The following PREPL variants were observed in gnomAD, a reference collection of about 807,000 sequenced individuals.
PREPL encodes the protein prolyl endopeptidase-like.
Under a neutral mutation model 70.6 loss-of-function variants are expected in PREPL, and 77 were observed. That is an observed-to-expected ratio of 1.09 (90% CI 0.91 to 1.32). PREPL has a LOEUF of 1.32. PREPL is among the 40% of genes most tolerant of loss of function. The probability of loss-of-function intolerance (pLI) is 0.00; values close to 1 mark genes in which losing one functional copy is unlikely to be tolerated. For missense variants in PREPL, 1,002 were observed against 778.2 expected, an observed-to-expected ratio of 1.29 and a Z score of -3.42; for synonymous variants, 315 against 264.8, an observed-to-expected ratio of 1.19 and a Z score of -1.84.
chr2:44,347,860 G>C (rs1675996167), intron 1 of PREPL, among the ~76,000 whole-genome samples: 1 of 152,110 alleles, frequency 6.6e-6, no homozygotes, highest in South Asian at 2.1e-4. Context: ...ATTACAAAGA[G>C]TTTACAATCT....
chr2:44,335,377 C>A (rs2103874811), intron 7 of PREPL, among the ~76,000 whole-genome samples: 1 of 152,258 alleles, frequency 6.6e-6, no homozygotes, highest in South Asian at 2.1e-4. Flanking sequence ...AAGTGCATTG[C>A]TAGAAATTAC....
intron 7 of PREPL, among the ~76,000 whole-genome samples, chr2:44,336,666 C>A (rs1212572963): frequency 6.6e-6 from 1 of 151,840 alleles, no homozygotes; most frequent in Non-Finnish European, 1.5e-5. Flanking sequence ...TGCACATGTA[C>A]CCCTGAAAGT....
rs1675334981 is a variant in PREPL at position 44,342,517 on chromosome 2, A to G, written c.385T>C (p.Phe129Leu). 1.2e-6 allele frequency: 2 copies of G among 1,611,852 alleles called. No homozygotes were observed. The highest frequency in any genetic ancestry group is 8.5e-7 in the Non-Finnish European group (1 of 1,178,422). The part of the protein sequence containing the change: ...VKDEEDEDVL[F>L]YTFQRNLRCH... ...CGAAGGTTCCTCTGGAAGGTGTAGA[A>G]TAAAACATCTTCATCTTCCTCGTCC... Residue 129 changes from phenylalanine (F) to leucine (L), a missense_variant, in exon 5 of 14, where the codon TTC becomes CTC. By Grantham distance (22) the Phe-to-Leu change is conservative (BLOSUM62 0). Transcript: ENST00000409411.
At position 44,319,959 on chromosome 2, in the gene PREPL, G is replaced by A; in HGVS notation, c.*1397C>T. ...TTGATCTCTACAGAAACTCTACAAT[G>A]TAGCAGAGCACTGTGCGTACTTATT... On this transcript the variant is annotated 3_prime_UTR_variant, in exon 14 of 14. Coordinates refer to ENST00000409411, the MANE Select transcript of PREPL (RefSeq NM_001171613.2). The A allele has an allele frequency of 4.0e-6, 2 of 497,168 alleles. No homozygotes were observed. Among genetic ancestry groups the A allele is most frequent in the Non-Finnish European group, 7.2e-6 (2 of 276,732 alleles). 30.8% of individuals were successfully genotyped at this position (497,168 alleles called of 1,614,324 possible). A position where few individuals can be genotyped will look rare whatever the true frequency, so the allele number is the denominator to read the frequency against.
At chr2:44,355,619 C>G (rs1413885183) in intron 1 of PREPL, among the ~76,000 whole-genome samples, 1 of 152,106 alleles carries the variant, frequency 6.6e-6, no homozygotes, top group African/African-American at 2.4e-5. Flanking sequence ...CTTCCTACTT[C>G]CAATTTATTC....
intron 1 of PREPL, among the ~76,000 whole-genome samples, chr2:44,359,131 C>T (rs1677378848): frequency 7.1e-6 from 1 of 139,960 alleles, no homozygotes; most frequent in Admixed American, 7.6e-5. Context: ...TGCTGTGGTG[C>T]GATCTCAGCT....
rs1672981204 is a variant in PREPL, at chr2:44,321,788, T to C, written c.1827+39A>G. ...AAATGTGAAAACAACATGTATCTAGTTCGGGAATCTGTCCACTGAGAGGGC... is the reference window on the plus strand; with the variant it reads ...AAATGTGAAAACAACATGTATCTAGCTCGGGAATCTGTCCACTGAGAGGGC... On this transcript the variant is annotated intron_variant, in intron 13 of 13. Coordinates refer to ENST00000409411, the MANE Select transcript of PREPL (RefSeq NM_001171613.2). The C allele has an allele frequency of 5.0e-6, 8 of 1,613,662 alleles. No individual in the cohort carries two copies. The South Asian group carries it at 8.8e-5, about 18-fold the overall frequency.
intron 1 of PREPL, among the ~76,000 whole-genome samples, chr2:44,350,425 T>C (rs1361342525): frequency 2.0e-5 from 3 of 152,068 alleles, no homozygotes; most frequent in African/African-American, 4.8e-5. Context: ...AAATTAGGAA[T>C]AGAGAGGAAC....
At chr2:44,340,851 C>T (rs1358726545) in intron 5 of PREPL, among the ~76,000 whole-genome samples, 1 of 150,900 alleles carries the variant, frequency 6.6e-6, no homozygotes, top group Non-Finnish European at 1.5e-5. Flanking sequence ...TCACTTGAAC[C>T]TGGGACGCAG....
At chr2:44,327,408 C>A (rs1291004586) in intron 9 of PREPL, among the ~76,000 whole-genome samples, 1 of 152,152 alleles carries the variant, frequency 6.6e-6, no homozygotes, top group South Asian at 2.1e-4. Context: ...GGGGTATATA[C>A]ACGAGTCAGG....
intron 1 of PREPL, chr2:44,359,994 G>A (rs1465666929): frequency 5.4e-6 from 2 of 373,588 alleles, no homozygotes. Flanking sequence ...AATCCTATCA[G>A]GCTCAAACTA....
chr2:44,356,969 TA>T (rs1387209722), intron 1 of PREPL, among the ~76,000 whole-genome samples: 1 of 152,212 alleles, frequency 6.6e-6, no homozygotes, highest in Non-Finnish European at 1.5e-5. Context: ...CATACCCAGC[TA>T]ATTTTTAGTC....
chr2:44,361,289 A>C (rs1327332428), intron 1 of PREPL, 91 bp downstream of exon 1: 1 of 152,592 alleles, frequency 6.6e-6, no homozygotes, highest in African/African-American at 2.4e-5. Context: ...GACATTAGTC[A>C]AAAAGCGAGG....
At chr2:44,332,215 G>T (rs1357810006) in intron 8 of PREPL, among the ~76,000 whole-genome samples, 6 of 151,728 alleles carry the variant, frequency 4.0e-5, no homozygotes, top group Admixed American at 1.3e-4. Context: ...CAAAGTGCTG[G>T]GATTACAGGC....
Position 44,320,724 on chromosome 2 carries a change from G to A in PREPL, c.*632C>T, listed in dbSNP as rs1672867900. ...AGCTTCATGTACAGCATGCTGCTTG[G>A]TGAACAATCATTAATTCTTCGATAT... On this transcript the variant is annotated 3_prime_UTR_variant, in exon 14 of 14. Transcript: ENST00000409411. 9.7e-7 allele frequency: 1 copy of A among 1,028,868 alleles called. No homozygotes were observed. The highest frequency in any genetic ancestry group is 1.5e-6 in the Non-Finnish European group (1 of 653,716). The allele number at this position is 1,028,868 out of a possible 1,614,324, so 63.7% of individuals were successfully genotyped here.
At chr2:44,330,107 A>AGT (rs1293074411) in intron 8 of PREPL, among the ~76,000 whole-genome samples, 2 of 152,234 alleles carry the variant, frequency 1.3e-5, no homozygotes, top group Non-Finnish European at 2.9e-5. Flanking sequence ...TTTCACTTTT[A>AGT]GTAAGATTCA....
upstream of PREPL, chr2:44,361,680 G>C (rs1677836516): frequency 6.6e-6 from 2 of 302,644 alleles, no homozygotes; most frequent in Non-Finnish European, 1.2e-5. Flanking sequence ...TTCGTTCTTC[G>C]CTAGTCTTCT....
intron 1 of PREPL, among the ~76,000 whole-genome samples, chr2:44,359,206 T>G (rs1406822579): frequency 6.6e-6 from 1 of 151,862 alleles, no homozygotes; most frequent in Non-Finnish European, 1.5e-5. Context: ...TAGCTGGGAT[T>G]ACAGGTGGGT....
At chr2:44,335,155 T>C (rs1674510692) in intron 7 of PREPL, among the ~76,000 whole-genome samples, 1 of 151,994 alleles carries the variant, frequency 6.6e-6, no homozygotes, top group South Asian at 2.1e-4. Context: ...TTGGGAAGGG[T>C]CAGAAAATGA....
Sources: gnomAD v4.1 joint callset for allele counts (sites outside exome capture counted in the v4.1 genomes callset) on GRCh38, gnomAD v4.1.1 for gene constraint, MANE v1.5 for transcripts, NCBI Gene and HGNC (gene_info 2026-07-23, HGNC 2026-07-21) for gene names.